CFAP46: variants seen among roughly 807,000 people sequenced by gnomAD.
CFAP46 encodes the protein cilia and flagella associated protein 46.
A neutral mutation model predicts 325.7 loss-of-function variants in CFAP46; 245 were observed. The observed-to-expected ratio is 0.75, with a 90% CI of 0.68 to 0.84. The LOEUF (loss-of-function observed/expected upper bound fraction) is 0.84, where lower values mean the gene tolerates loss of function less well. Ranked by LOEUF, CFAP46 falls within the 40% of genes least tolerant of loss-of-function variation. CFAP46 has a pLI of 0.00. For missense variants in CFAP46, 3,346 were observed against 3,543.0 expected, an observed-to-expected ratio of 0.94 and a Z score of 1.41; for synonymous variants, 1,523 against 1,495.9, an observed-to-expected ratio of 1.02 and a Z score of -0.42.
chr10:132,937,708 G>A, intron 5 of CFAP46, 33 bp from the exon 6 acceptor site: 1 of 1,566,428 alleles, frequency 6.4e-7, no homozygotes, highest in Middle Eastern at 1.7e-4. Context: ...TGGTCAACCT[G>A]GTTGAAACTG....
In CFAP46 at chr10:132,939,990, G is replaced by A. The variant is rs1850071657; in HGVS notation, c.371+1006C>T. 6.6e-6 allele frequency among the ~76,000 whole-genome samples: 1 copy of A among 152,168 alleles called. No homozygotes were observed. Among genetic ancestry groups the A allele is most frequent in the South Asian group, 2.1e-4 (1 of 4,830 alleles). ...TCTGTCACCCCCTGACCCGTCCACA[G>A]TGCCCCTGAGGGCCCTGGAGCAGAG... On this transcript the variant is annotated intron_variant, in intron 4 of 57. Transcript: ENST00000368586. This position sits in a 1 kb window ranked among gnomAD's most constrained non-coding sequence, Gnocchi z 4.6.
Position 132,938,722 on chromosome 10 carries a change from G to T in CFAP46, c.403C>A (p.Leu135Ile). The T allele has an allele frequency of 6.2e-7, 1 of 1,613,476 alleles. No individual in the cohort carries two copies. Among genetic ancestry groups the T allele is most frequent in the Non-Finnish European group, 8.5e-7 (1 of 1,179,970 alleles). The stretch of plus-strand genomic sequence containing the variant: ...AACGGCCTCACCATCTGCCAGTAGA[G>T]GACTGATGCATTGTACACCAAAAAG... ...YYFLVYNASV[L>I]YWQMVRPFLK... The change falls in exon 5 of 58, where the codon CTC becomes ATC. Residue 135 changes from leucine (L) to isoleucine (I), a missense_variant. Physicochemically the swap from Leu to Ile is conservative, Grantham distance 5. Transcript: ENST00000368586.
rs1287390440 is a variant in CFAP46 at position 132,828,353 on chromosome 10, A to C, written c.7117+5005T>G. Reference sequence around the variant, plus strand: ...GAGGGTTCCGGTTCCACACCCTCCCAACACGCGCTCTGGTCGACTGTGTGA... The same window carrying C: ...GAGGGTTCCGGTTCCACACCCTCCCCACACGCGCTCTGGTCGACTGTGTGA... On this transcript the variant is annotated intron_variant, in intron 50 of 57. Transcript: ENST00000368586. This position sits in a 1 kb window ranked among gnomAD's most constrained non-coding sequence, Gnocchi z 4.9. Among the ~76,000 whole-genome samples the C allele has an allele frequency of 2.0e-5, 3 of 152,338 alleles. No individual in the cohort carries two copies. Among genetic ancestry groups the C allele is most frequent in the Admixed American group, 1.3e-4 (2 of 15,298 alleles).
Position 132,846,273 on chromosome 10 carries a change from G to A in CFAP46, c.6268-46C>T, listed in dbSNP as rs58758905. On this transcript the variant is annotated intron_variant, in intron 43 of 57. Transcript: ENST00000368586. Reference sequence around the variant, plus strand: ...TGTACCAGGGGCCCGAGGCCTGGGCGGGGAGGCCTTGCACCCTGCGGAGGG... The same window carrying A: ...TGTACCAGGGGCCCGAGGCCTGGGCAGGGAGGCCTTGCACCCTGCGGAGGG... The A allele has an allele frequency of 3.1e-3, 4,961 of 1,591,330 alleles. 110 individuals are homozygous for A. In the African/African-American group the frequency reaches 0.052, roughly 17 times the overall value.
At position 132,939,838 on chromosome 10, in the gene CFAP46, T is replaced by C. The variant is rs1033129842; in HGVS notation, c.372-1085A>G. On this transcript the variant is annotated intron_variant, in intron 4 of 57. Transcript: ENST00000368586. This position sits in a 1 kb window ranked among gnomAD's most constrained non-coding sequence, Gnocchi z 4.6. ...CTCTCCCCAAATTCCCACTGTGGCCTCCACATGCCCGTGGTTGGGCTCACA... is the reference window on the plus strand; with the variant it reads ...CTCTCCCCAAATTCCCACTGTGGCCCCCACATGCCCGTGGTTGGGCTCACA... Among the ~76,000 whole-genome samples, 1 of 152,152 alleles carries C rather than the reference T, an allele frequency of 6.6e-6. No individual in the cohort carries two copies. Among genetic ancestry groups the C allele is most frequent in the Non-Finnish European group, 1.5e-5 (1 of 68,018 alleles).
At position 132,869,542 on chromosome 10, in the gene CFAP46, G is replaced by A. The variant is rs1048985660; in HGVS notation, c.4512-170C>T. 2.6e-5 allele frequency among the ~76,000 whole-genome samples: 4 copies of A among 152,160 alleles called. No individual in the cohort carries two copies. Among genetic ancestry groups the A allele is most frequent in the African/African-American group, 9.7e-5 (4 of 41,434 alleles). On this transcript the variant is annotated intron_variant, in intron 32 of 57. Transcript: ENST00000368586. This position sits in a 1 kb window ranked among gnomAD's most constrained non-coding sequence, Gnocchi z 6.2. The stretch of plus-strand genomic sequence containing the variant: ...GCGAAATTACTAGGGAAAAGTGCCC[G>A]GTAGCTCCATCAAATTTCAAGTGGG...
rs1309618822 is a variant in CFAP46 at position 132,919,822 on chromosome 10, G to A, written c.1730+237C>T. 5.3e-5 allele frequency among the ~76,000 whole-genome samples: 8 copies of A among 152,258 alleles called. No individual in the cohort carries two copies. In the East Asian group the frequency reaches 1.5e-3, roughly 29 times the overall value. ...TGTCCTCCGAGTGACAGCAGTGACAGGCGGGACAGGGCAGCCGCACACCTC... is the reference window on the plus strand; with the variant it reads ...TGTCCTCCGAGTGACAGCAGTGACAAGCGGGACAGGGCAGCCGCACACCTC... On this transcript the variant is annotated intron_variant, in intron 14 of 57. Coordinates refer to ENST00000368586, the MANE Select transcript of CFAP46 (RefSeq NM_001200049.3). The surrounding 1 kb of genome is among the most constrained non-coding windows in gnomAD (Gnocchi z 9.7).
Position 132,898,945 on chromosome 10 carries a change from C to A in CFAP46, c.3219+14G>T. 1 of 1,550,484 alleles carries A rather than the reference C, an allele frequency of 6.4e-7. No individual in the cohort carries two copies. Among genetic ancestry groups the A allele is most frequent in the Non-Finnish European group, 8.7e-7 (1 of 1,146,938 alleles). On this transcript the variant is annotated intron_variant, in intron 24 of 57. Transcript: ENST00000368586. ...CTCAGTGGGAGTCAGGAGCCCCCTC[C>A]AGGGCTGGTGCACCTGCTTTCTGGC...
At chr10:132,838,781 C>T (rs181642855) in intron 44 of CFAP46, among the ~76,000 whole-genome samples, 1 of 152,380 alleles carries the variant, frequency 6.6e-6, no homozygotes, top group Non-Finnish European at 1.5e-5. Context: ...GCGATTCTGC[C>T]AGAACCCTGC....
In CFAP46 at chr10:132,941,640, G is replaced by T; in HGVS notation, c.257C>A (p.Ala86Glu). The T allele has an allele frequency of 1.2e-6, 2 of 1,613,980 alleles. No homozygotes were observed. The highest frequency in any genetic ancestry group is 1.7e-5 in the Admixed American group (1 of 60,020). ...KAPITQFLGR[A>E]HLCRAQMCAP... ...ACACATCTGGGCCCTGCACAGGTGC[G>T]CTCGGCCCAGAAACTGGGTGATGGG... The change falls in exon 3 of 58, where the codon GCG becomes GAG. Residue 86 changes from alanine to glutamate, a missense_variant. By Grantham distance (107) the Ala-to-Glu change is moderately radical (BLOSUM62 -1). Coordinates refer to ENST00000368586, the MANE Select transcript of CFAP46 (RefSeq NM_001200049.3).
At position 132,814,868 on chromosome 10, in the gene CFAP46, T is replaced by C; in HGVS notation, c.7164A>G (p.Arg2388=). The C allele has an allele frequency of 6.2e-7, 1 of 1,614,176 alleles. No homozygotes were observed. Among genetic ancestry groups the C allele is most frequent in the Admixed American group, 1.7e-5 (1 of 60,030 alleles). ...CCTTCCTGCCCTTCTTCGCTAGGCT[T>C]CTCTTTTTGGGGTCTCTGCTTCTTC... is the stretch of plus-strand genomic sequence containing the variant. The part of the protein sequence containing the change: ...KEGRSRDPKK[R]SLAKKGRKGS... Residue 2388 remains arginine, a synonymous_variant, in exon 51 of 58, where the codon AGA becomes AGG. Coordinates refer to ENST00000368586, the MANE Select transcript of CFAP46 (RefSeq NM_001200049.3).
At chr10:132,917,068 G>T (rs990260545) in intron 16 of CFAP46, among the ~76,000 whole-genome samples, 13 of 152,242 alleles carry the variant, frequency 8.5e-5, no homozygotes, top group African/African-American at 3.1e-4. Flanking sequence ...CCTCCGGGGC[G>T]TGGATGACCA....
At chr10:132,863,788 G>GT (rs1848758851) in intron 35 of CFAP46, among the ~76,000 whole-genome samples, 1 of 126,842 alleles carries the variant, frequency 7.9e-6, no homozygotes, top group Non-Finnish European at 1.6e-5. Context: ...GCACACACCT[G>GT]TCCCCCTGCC....
intron 41 of CFAP46, 47 bp downstream of exon 41, chr10:132,850,197 G>A: frequency 6.5e-7 from 1 of 1,534,720 alleles, no homozygotes; most frequent in Non-Finnish European, 8.8e-7. Context: ...TCAGGCACGG[G>A]TGACTGGTGT....
At chr10:132,885,794 C>A in intron 26 of CFAP46, 27 bp downstream of exon 26, 1 of 1,529,974 alleles carries the variant, frequency 6.5e-7, no homozygotes, top group Non-Finnish European at 8.8e-7. Context: ...GGAGGGAGCA[C>A]TCACAGGCGG....
chr10:132,894,247 A>G (rs927443262), intron 24 of CFAP46, among the ~76,000 whole-genome samples: 1 of 152,240 alleles, frequency 6.6e-6, no homozygotes, highest in Non-Finnish European at 1.5e-5. Flanking sequence ...CTGCTCCCCT[A>G]ACATAATTGA....
At chr10:132,902,294 A>C (rs1849402203) in intron 22 of CFAP46, among the ~76,000 whole-genome samples, 1 of 151,656 alleles carries the variant, frequency 6.6e-6, no homozygotes, top group Non-Finnish European at 1.5e-5. Context: ...CTGTGGCCCC[A>C]CGGGTCACAG....
chr10:132,811,104 G>A, intron 55 of CFAP46, 73 bp from the exon 56 acceptor site: 1 of 1,344,850 alleles, frequency 7.4e-7, no homozygotes, highest in Admixed American at 2.0e-5. Context: ...TGGGCAGGTG[G>A]GGCCTGTGCC....
chr10:132,819,007 A>C (rs115195339), intron 50 of CFAP46, among the ~76,000 whole-genome samples: 3,998 of 152,352 alleles, frequency 0.026, 67 homozygotes, highest in South Asian at 0.11. Flanking sequence ...AGTAAAGTTG[A>C]AAGACACAAA....
Sources: allele counts gnomAD v4.1 joint callset (sites outside exome capture counted in the v4.1 genomes callset), GRCh38; gene constraint gnomAD v4.1.1; non-coding constraint Gnocchi (gnomAD v3.1); transcripts MANE v1.5; gene names NCBI Gene and HGNC (gene_info 2026-07-23, HGNC 2026-07-21).